STARD13: variants seen among roughly 807,000 people sequenced by gnomAD.
STARD13 encodes stAR-related lipid transfer protein 13.
In STARD13, 62 loss-of-function variants were observed where a neutral mutation model predicts 106.4. That is an observed-to-expected ratio of 0.58 (90% CI 0.48 to 0.72). The LOEUF is 0.72. Among genes scored for constraint, STARD13 ranks in the 30% least tolerant of loss-of-function variants. The pLI is 0.00. For missense variants in STARD13, 1,387 were observed against 1,424.0 expected (o/e 0.97, Z 0.42); for synonymous variants, 565 against 553.0 (o/e 1.02, Z -0.31).
the STARD13 span, among the ~76,000 whole-genome samples, chr13:33,659,236 T>TTTTCA: frequency 1.4e-5 from 2 of 138,566 alleles, no homozygotes; most frequent in Non-Finnish European, 3.1e-5. Context: ...TTTTTTTTTT[T>TTTTCA]ATGAAGTCTT....
At chr13:33,608,930 CA>C in the STARD13 span, among the ~76,000 whole-genome samples, 1 of 151,292 alleles carries the variant, frequency 6.6e-6, no homozygotes, top group African/African-American at 2.4e-5. Context: ...ACTAAAAATA[CA>C]AAAAATTAGC....
At position 33,301,701 on chromosome 13, in the gene STARD13, G is replaced by C. The variant is rs188163099; in HGVS notation, c.124+48589C>G. 5.0e-3 allele frequency among the ~76,000 whole-genome samples: 752 copies of C among 151,508 alleles called. 4 individuals are homozygous for C. The highest frequency in any genetic ancestry group is 0.018 in the African/African-American group (724 of 41,278). Reference sequence around the variant, plus strand: ...TCCTGCCTCAGCCTCCTGAGTAGCTGGGACTACCGGCACCCGCCACCATGC... The same window carrying C: ...TCCTGCCTCAGCCTCCTGAGTAGCTCGGACTACCGGCACCCGCCACCATGC... On this transcript the variant is annotated intron_variant, in intron 1 of 5. Coordinates refer to the STARD13 transcript ENST00000567873.
intron 1 of STARD13, among the ~76,000 whole-genome samples, chr13:33,195,788 T>C (rs1481877788): frequency 6.6e-6 from 1 of 152,174 alleles, no homozygotes; most frequent in Admixed American, 6.5e-5. Context: ...CTGTCTCTCT[T>C]TCTTACAAGC....
At chr13:33,651,623 G>A in the STARD13 span, among the ~76,000 whole-genome samples, 4 of 152,208 alleles carry the variant, frequency 2.6e-5, no homozygotes, top group Admixed American at 6.5e-5. Context: ...CTAATGCCAT[G>A]TCTGGCACAA....
chr13:33,583,554 C>G, the STARD13 span, among the ~76,000 whole-genome samples: 16 of 152,186 alleles, frequency 1.1e-4, no homozygotes, highest in African/African-American at 3.9e-4. Flanking sequence ...TTCTGTCCTT[C>G]TAGTCTGGCC....
At chr13:33,215,211 A>G (rs1289856485) in intron 1 of STARD13, among the ~76,000 whole-genome samples, 1 of 151,634 alleles carries the variant, frequency 6.6e-6, no homozygotes, top group East Asian at 1.9e-4. Flanking sequence ...ATTCTTCCTT[A>G]CAAGACCTGA....
intron 1 of STARD13, among the ~76,000 whole-genome samples, chr13:33,208,504 G>T (rs950326505): frequency 6.6e-6 from 1 of 152,190 alleles, no homozygotes; most frequent in Non-Finnish European, 1.5e-5. Context: ...ATATGGGATG[G>T]CCTTGGATGC....
intron 4 of STARD13, among the ~76,000 whole-genome samples, chr13:33,135,718 C>T (rs951640980): frequency 3.9e-5 from 6 of 152,160 alleles, no homozygotes; most frequent in African/African-American, 9.7e-5. Flanking sequence ...GGTTTCCCTA[C>T]GATGACTGGT....
chr13:33,274,634 C>T (rs1477398279), intron 1 of STARD13, among the ~76,000 whole-genome samples: 1 of 152,088 alleles, frequency 6.6e-6, no homozygotes, highest in African/African-American at 2.4e-5. Context: ...ACAGATTGAT[C>T]CGTTCACCCC....
At chr13:33,349,947 G>A (rs1408204476) in intron 1 of STARD13, among the ~76,000 whole-genome samples, 2 of 152,206 alleles carry the variant, frequency 1.3e-5, no homozygotes, top group Non-Finnish European at 2.9e-5. Flanking sequence ...TTATTCACTG[G>A]GGTGGAATGG....
chr13:33,352,966 T>C (rs1028113287), upstream of STARD13, among the ~76,000 whole-genome samples: 2 of 152,192 alleles, frequency 1.3e-5, no homozygotes, highest in African/African-American at 4.8e-5. Flanking sequence ...TAGCCCTACC[T>C]ACCTTCTTGC....
chr13:33,431,344 T>A, the STARD13 span, among the ~76,000 whole-genome samples: 4 of 152,160 alleles, frequency 2.6e-5, no homozygotes, highest in Non-Finnish European at 5.9e-5. Context: ...TTTATTTTGA[T>A]TATATGTTAA....
the STARD13 span, among the ~76,000 whole-genome samples, chr13:33,385,822 G>A: frequency 7.0e-6 from 1 of 142,326 alleles, no homozygotes; most frequent in Non-Finnish European, 1.5e-5. Context: ...CTGCACTCCA[G>A]CCTGGGCAGC....
intron 1 of STARD13, chr13:33,274,058 G>A (rs1315660643): frequency 1.3e-5 from 2 of 150,688 alleles, no homozygotes; most frequent in Non-Finnish European, 2.9e-5. Flanking sequence ...GCACCATGCT[G>A]GTAAGCAGAG....
chr13:33,325,789 T>G (rs978455897), intron 1 of STARD13, among the ~76,000 whole-genome samples: 4 of 151,614 alleles, frequency 2.6e-5, no homozygotes, highest in African/African-American at 9.7e-5. Context: ...GGTCAGGAGA[T>G]CGAGACCATC....
the STARD13 span, among the ~76,000 whole-genome samples, chr13:33,444,118 G>A: frequency 6.6e-6 from 1 of 152,050 alleles, no homozygotes; most frequent in African/African-American, 2.4e-5. Flanking sequence ...CGTGTCTCTC[G>A]ACCACCAGTG....
chr13:33,167,438 C>T (rs1277259449), intron 2 of STARD13, 113 bp downstream of exon 2: 28 of 1,061,030 alleles, frequency 2.6e-5, no homozygotes, highest in Non-Finnish European at 2.1e-5. Context: ...AAAAAGAAAG[C>T]GAAGCAAAAT....
At chr13:33,219,578 T>C (rs1594123162) in intron 1 of STARD13, among the ~76,000 whole-genome samples, 2 of 131,060 alleles carry the variant, frequency 1.5e-5, no homozygotes, top group Non-Finnish European at 3.2e-5. Flanking sequence ...ACAGCTGTAA[T>C]CCTAACACTT....
chr13:33,505,009 A>G, the STARD13 span, among the ~76,000 whole-genome samples: 11,039 of 152,258 alleles, frequency 0.073, 434 homozygotes, highest in East Asian at 0.14. Context: ...AACTCATAGC[A>G]GCTTGGGTGT....
Sources: gnomAD v4.1 joint callset for allele counts (sites outside exome capture counted in the v4.1 genomes callset) on GRCh38, gnomAD v4.1.1 for gene constraint, MANE v1.5 for transcripts, NCBI Gene and HGNC (gene_info 2026-07-23, HGNC 2026-07-21) for gene names.